The following TRPM3 variants were observed in gnomAD, a reference collection of about 807,000 sequenced individuals.
TRPM3 encodes the protein long transient receptor potential channel 3.
A neutral mutation model predicts 181.2 loss-of-function variants in TRPM3; 77 were observed. That is an observed-to-expected ratio of 0.42 (90% CI 0.35 to 0.51). TRPM3 has a LOEUF of 0.51. TRPM3 is among the 20% of genes least tolerant of loss of function. The pLI is 0.01. For synonymous variants in TRPM3, 745 were observed against 796.4 expected, an observed-to-expected ratio of 0.94 and a Z score of 1.09; for missense variants, 1,759 against 2,196.7, an observed-to-expected ratio of 0.80 and a Z score of 3.98.
chr9:70,559,553 C>T (rs951367548), intron 22 of TRPM3, among the ~76,000 whole-genome samples: 3 of 152,204 alleles, frequency 2.0e-5, no homozygotes, highest in Non-Finnish European at 4.4e-5. Context: ...CCCCATCTTG[C>T]ATCCATGACA....
chr9:70,641,847 A>G (rs952198775), intron 9 of TRPM3, among the ~76,000 whole-genome samples: 7 of 152,238 alleles, frequency 4.6e-5, no homozygotes, highest in African/African-American at 1.7e-4. Context: ...CGAAAGCAAC[A>G]TTAGGCTCCA....
intron 1 of TRPM3, among the ~76,000 whole-genome samples, chr9:71,230,837 T>C: frequency 6.6e-6 from 1 of 152,232 alleles, no homozygotes; most frequent in East Asian, 1.9e-4. Flanking sequence ...TTGCAAATGC[T>C]GTTCTGTAGA....
chr9:70,668,183 G>C (rs545341176), intron 9 of TRPM3, among the ~76,000 whole-genome samples: 13 of 152,250 alleles, frequency 8.5e-5, no homozygotes, highest in African/African-American at 3.1e-4. Context: ...TCAGAATGCA[G>C]AGCAAGTGTC....
At chr9:70,768,047 T>G (rs555469041) in intron 7 of TRPM3, among the ~76,000 whole-genome samples, 25 of 152,304 alleles carry the variant, frequency 1.6e-4, no homozygotes, top group African/African-American at 5.8e-4. Context: ...TTAATGGTGA[T>G]CATCTTGGAG....
chr9:70,564,378 G>T (rs73649172), intron 22 of TRPM3, among the ~76,000 whole-genome samples: 1,638 of 152,246 alleles, frequency 0.011, 32 homozygotes, highest in African/African-American at 0.037. Flanking sequence ...GGCAGGAGGA[G>T]GCACCCCTTC....
chr9:71,311,049 C>A (rs1274127406), intron 1 of TRPM3, among the ~76,000 whole-genome samples: 1 of 152,006 alleles, frequency 6.6e-6, no homozygotes, highest in African/African-American at 2.4e-5. Flanking sequence ...AGTAAATGAA[C>A]ATTAAGCTTT....
At chr9:71,208,892 A>G (rs546149066) in intron 1 of TRPM3, among the ~76,000 whole-genome samples, 2 of 152,306 alleles carry the variant, frequency 1.3e-5, no homozygotes, top group Non-Finnish European at 2.9e-5. Context: ...GTTTTATCAC[A>G]TATTTTGGAA....
At chr9:71,168,640 T>A (rs1258837886) in intron 1 of TRPM3, among the ~76,000 whole-genome samples, 1 of 145,936 alleles carries the variant, frequency 6.9e-6, no homozygotes, top group African/African-American at 2.5e-5. Context: ...TATTATTTTT[T>A]ATTTTTTTTT....
chr9:71,278,133 GATCA>G (rs931171300), intron 1 of TRPM3, among the ~76,000 whole-genome samples: 69 of 152,260 alleles, frequency 4.5e-4, no homozygotes, highest in African/African-American at 1.5e-3. Flanking sequence ...GGAAAATCCT[GATCA>G]ATTAGTACAA....
At chr9:70,888,362 G>GGT (rs71367235) in intron 1 of TRPM3, among the ~76,000 whole-genome samples, 38,685 of 143,456 alleles carry the variant, frequency 0.27, 5,204 homozygotes, top group Admixed American at 0.3. Context: ...TTTATTTTGG[G>GGT]GTGTGTGTGT....
intron 1 of TRPM3, among the ~76,000 whole-genome samples, chr9:71,396,153 C>T (rs900289215): frequency 6.6e-6 from 1 of 152,118 alleles, no homozygotes; most frequent in African/African-American, 2.4e-5. Flanking sequence ...TGGTTTTCTG[C>T]TCTGCCTTGT....
rs376718093 is a variant in TRPM3 at position 70,681,593 on chromosome 9, A to C, written c.1273-15T>G. The C allele has an allele frequency of 4.9e-5, 79 of 1,612,590 alleles. 2 individuals are homozygous for C. On this transcript the variant is annotated splice_polypyrimidine_tract_variant and intron_variant, in intron 8 of 25. Transcript: ENST00000677713. ...AATACCGTAATCTGCAATTTGAGAC[A>C]AGGTGATCATTAGCAAAGCATTTTT...
chr9:70,583,063 C>T (rs894207782), intron 22 of TRPM3, among the ~76,000 whole-genome samples: 4 of 152,132 alleles, frequency 2.6e-5, no homozygotes, highest in Non-Finnish European at 5.9e-5. Context: ...TGGTACCCCC[C>T]ACCCCAGGGA....
rs148673636 is a variant in TRPM3 at position 70,786,681 on chromosome 9, G to A, written c.974-2402C>T. On this transcript the variant is annotated intron_variant, in intron 6 of 25. Coordinates refer to ENST00000677713, the MANE Select transcript of TRPM3 (RefSeq NM_001366145.2). Reference sequence around the variant, plus strand: ...TATGAAGTATTTCCCAAAGTATTACGTTGGTGCAAAAGTAATTGTGTTTTT... The same window carrying A: ...TATGAAGTATTTCCCAAAGTATTACATTGGTGCAAAAGTAATTGTGTTTTT... Among the ~76,000 whole-genome samples the A allele has an allele frequency of 1.6e-4, 24 of 152,230 alleles. No individual in the cohort carries two copies. In the East Asian group the frequency reaches 3.9e-3, roughly 25 times the overall value.
intron 1 of TRPM3, among the ~76,000 whole-genome samples, chr9:70,950,618 G>C (rs1182292434): frequency 6.6e-6 from 1 of 152,184 alleles, no homozygotes; most frequent in Non-Finnish European, 1.5e-5. Flanking sequence ...ACTCCACAGT[G>C]AATGGGCAGA....
At chr9:71,032,975 G>A (rs1418235180) in intron 1 of TRPM3, among the ~76,000 whole-genome samples, 3 of 152,120 alleles carry the variant, frequency 2.0e-5, no homozygotes, top group African/African-American at 4.8e-5. Flanking sequence ...TTTACTTAGT[G>A]CCAATTATTG....
At chr9:71,382,777 C>T (rs2092833836) in intron 1 of TRPM3, among the ~76,000 whole-genome samples, 1 of 151,198 alleles carries the variant, frequency 6.6e-6, no homozygotes, top group Non-Finnish European at 1.5e-5. Context: ...AAATGATTAG[C>T]TCTTGAAGGC....
At chr9:71,180,518 C>T (rs2077342289) in intron 1 of TRPM3, among the ~76,000 whole-genome samples, 1 of 152,044 alleles carries the variant, frequency 6.6e-6, no homozygotes, top group African/African-American at 2.4e-5. Flanking sequence ...CTTGTAATAC[C>T]TGACATGGGA....
intron 1 of TRPM3, among the ~76,000 whole-genome samples, chr9:70,979,252 G>C (rs2097338393): frequency 6.6e-6 from 1 of 152,160 alleles, no homozygotes; most frequent in African/African-American, 2.4e-5. Context: ...GACCTGGCCA[G>C]ACATGGGGCG....
Sources: allele counts gnomAD v4.1 joint callset (sites outside exome capture counted in the v4.1 genomes callset), GRCh38; gene constraint gnomAD v4.1.1; transcripts MANE v1.5; gene names NCBI Gene and HGNC (gene_info 2026-07-23, HGNC 2026-07-21).